The following KLHDC1 variants were observed in gnomAD, a reference collection of about 807,000 sequenced individuals.
KLHDC1 encodes the protein kelch domain containing 1, also known as kelch domain-containing protein 1.
In KLHDC1, 53 loss-of-function variants were observed where a neutral mutation model predicts 68.3. The ratio of observed to expected loss-of-function variants is 0.78; its 90% CI spans 0.62 to 0.98. The LOEUF is 0.98. Ranked by LOEUF, KLHDC1 falls within the 50% of genes least tolerant of loss-of-function variation. The probability of loss-of-function intolerance (pLI) is 0.00; values close to 1 mark genes in which losing one functional copy is unlikely to be tolerated. For synonymous variants in KLHDC1, 148 were observed against 159.0 expected (o/e 0.93, Z 0.52); for missense variants, 470 against 492.3 (o/e 0.95, Z 0.43).
rs779855048 is a variant in KLHDC1 at position 49,723,859 on chromosome 14, G to A, written c.405-15G>A. On this transcript the variant is annotated splice_polypyrimidine_tract_variant and intron_variant, in intron 4 of 12. Coordinates refer to ENST00000359332, the MANE Select transcript of KLHDC1 (RefSeq NM_172193.3). ...CAGAATTCCTAAAGTGTGTCATTTC[G>A]TATTTGTTTTTCAGACTAATATATT... The A allele has an allele frequency of 1.6e-5, 23 of 1,473,900 alleles. No homozygotes were observed. Among genetic ancestry groups the A allele is most frequent in the South Asian group, 6.0e-5 (5 of 82,940 alleles). The allele number at this position is 1,473,900 out of a possible 1,614,324, so 91.3% of individuals were successfully genotyped here.
intron 8 of KLHDC1, among the ~76,000 whole-genome samples, chr14:49,730,528 C>T (rs1343856416): frequency 6.6e-6 from 1 of 151,824 alleles, no homozygotes; most frequent in East Asian, 1.9e-4. Flanking sequence ...CTGACATTTG[C>T]AATATTTTTA....
intron 1 of KLHDC1, among the ~76,000 whole-genome samples, chr14:49,694,424 CGAA>C (rs1168729053): frequency 6.6e-6 from 1 of 151,932 alleles, no homozygotes; most frequent in Non-Finnish European, 1.5e-5. Context: ...AGGCATACCT[CGAA>C]GTATTGCAGA....
intron 1 of KLHDC1, chr14:49,708,647 AACT>A (rs1888120536): frequency 6.6e-6 from 1 of 152,584 alleles, no homozygotes; most frequent in African/African-American, 2.4e-5. Context: ...TTTAATGAAC[AACT>A]AATACTATGC....
intron 1 of KLHDC1, among the ~76,000 whole-genome samples, chr14:49,701,351 G>A (rs1347563058): frequency 6.6e-6 from 1 of 152,016 alleles, no homozygotes; most frequent in Non-Finnish European, 1.5e-5. Flanking sequence ...AAAATTGGCA[G>A]ATCAGACTTC....
At chr14:49,707,953 G>C (rs1161519380) in intron 1 of KLHDC1, among the ~76,000 whole-genome samples, 1 of 151,730 alleles carries the variant, frequency 6.6e-6, no homozygotes, top group Non-Finnish European at 1.5e-5. Context: ...ACTACACCCG[G>C]CCTATTTTTA....
At chr14:49,695,453 A>G (rs902099039) in intron 1 of KLHDC1, among the ~76,000 whole-genome samples, 24 of 152,200 alleles carry the variant, frequency 1.6e-4, no homozygotes, top group Admixed American at 7.9e-4. Flanking sequence ...GTCAATGAGC[A>G]GTGAGTGAGA....
At chr14:49,728,822 T>G (rs1888733025) in intron 6 of KLHDC1, 104 bp from the exon 7 acceptor site, 1 of 802,280 alleles carries the variant, frequency 1.2e-6, no homozygotes, top group Admixed American at 2.1e-5. Flanking sequence ...ATTACATAGG[T>G]AATGATAACT....
At chr14:49,697,560 G>C (rs542520570) in intron 1 of KLHDC1, among the ~76,000 whole-genome samples, 6 of 152,306 alleles carry the variant, frequency 3.9e-5, no homozygotes, top group Non-Finnish European at 7.4e-5. Flanking sequence ...CTCAATGCAG[G>C]GTTGCCACAA....
chr14:49,699,597 C>G (rs1887843869), intron 1 of KLHDC1, among the ~76,000 whole-genome samples: 1 of 152,082 alleles, frequency 6.6e-6, no homozygotes, highest in African/African-American at 2.4e-5. Flanking sequence ...ATATTCCAGT[C>G]ACAATTTTCC....
chr14:49,710,726 A>G (rs1010827765), intron 4 of KLHDC1, among the ~76,000 whole-genome samples: 7 of 152,138 alleles, frequency 4.6e-5, no homozygotes, highest in African/African-American at 1.7e-4. Flanking sequence ...CATTCCTTCA[A>G]CGCTAGTTTT....
intron 4 of KLHDC1, among the ~76,000 whole-genome samples, chr14:49,713,850 A>ATTTT (rs869250721): frequency 1.2e-4 from 6 of 50,226 alleles, no homozygotes; most frequent in African/African-American, 5.2e-4. Context: ...ATATATATAT[A>ATTTT]TTTTTTTTTT....
intron 1 of KLHDC1, among the ~76,000 whole-genome samples, chr14:49,695,311 T>C (rs1300674174): frequency 1.3e-5 from 2 of 152,132 alleles, no homozygotes; most frequent in Non-Finnish European, 2.9e-5. Context: ...AAATGTATTT[T>C]CTTAAATAAT....
intron 9 of KLHDC1, among the ~76,000 whole-genome samples, 185 bp downstream of exon 9, chr14:49,733,001 G>A (rs1420169367): frequency 1.3e-5 from 2 of 152,116 alleles, no homozygotes; most frequent in Non-Finnish European, 2.9e-5. Flanking sequence ...ACGTTCCCCT[G>A]TTTTCTAGGG....
At chr14:49,741,357 G>T (rs999189452) in intron 11 of KLHDC1, among the ~76,000 whole-genome samples, 1 of 151,502 alleles carries the variant, frequency 6.6e-6, no homozygotes, top group African/African-American at 2.4e-5. Context: ...CCAGGCTGGA[G>T]TGCAGTGGCA....
intron 4 of KLHDC1, among the ~76,000 whole-genome samples, chr14:49,714,803 T>C (rs1437291105): frequency 6.7e-6 from 1 of 149,650 alleles, no homozygotes; most frequent in African/African-American, 2.4e-5. Flanking sequence ...GTATATGTTA[T>C]ATAACATATA....
At position 49,745,298 on chromosome 14, in the gene KLHDC1, G is replaced by C. The variant is rs1796045296; in HGVS notation, c.1034+1493G>C. 2.0e-5 allele frequency among the ~76,000 whole-genome samples: 3 copies of C among 151,964 alleles called. No individual in the cohort carries two copies. In the South Asian group the frequency reaches 6.2e-4, roughly 32 times the overall value. ...AGTTCTCAAACTAAACTCTCATGAGGGGCTTCAAAAAAATTAATGCCTGTG... is the reference window on the plus strand; with the variant it reads ...AGTTCTCAAACTAAACTCTCATGAGCGGCTTCAAAAAAATTAATGCCTGTG... On this transcript the variant is annotated intron_variant, in intron 12 of 12. Coordinates refer to ENST00000359332, the MANE Select transcript of KLHDC1 (RefSeq NM_172193.3).
rs978512838 is a variant in KLHDC1, at chr14:49,730,291, C to G, written c.710+743C>G. Among the ~76,000 whole-genome samples the G allele has an allele frequency of 4.4e-4, 7 of 16,016 alleles. No homozygotes were observed. The East Asian group carries it at 1.0e-2, about 23-fold the overall frequency. The allele number at this position is 16,016 out of a possible 152,430, so 10.5% of individuals were successfully genotyped here. ...AGGCTGGAGTGCAGTAGCATGGTCT[C>G]AGCTCACTGCAACCTCGCCTCCCAG... On this transcript the variant is annotated intron_variant, in intron 8 of 12. Transcript: ENST00000359332.
chr14:49,697,288 GGA>G (rs776833800), intron 1 of KLHDC1, among the ~76,000 whole-genome samples: 42 of 152,266 alleles, frequency 2.8e-4, no homozygotes, highest in Non-Finnish European at 5.4e-4. Context: ...CCAAGGAGAG[GGA>G]GAGAGAGGGG....
At position 49,702,050 on chromosome 14, in the gene KLHDC1, C is replaced by T. The variant is rs571122407; in HGVS notation, c.97-7109C>T. On this transcript the variant is annotated intron_variant, in intron 1 of 12. Coordinates refer to ENST00000359332, the MANE Select transcript of KLHDC1 (RefSeq NM_172193.3). The stretch of plus-strand genomic sequence containing the variant: ...GGGCATGGTGGCACATGCCTGTAAT[C>T]CCAGCTACTCGGGAGGCTGAGGCAG... 2.6e-5 allele frequency among the ~76,000 whole-genome samples: 4 copies of T among 152,054 alleles called. No individual in the cohort carries two copies. The East Asian group carries it at 7.7e-4, about 29-fold the overall frequency.
Sources: gnomAD v4.1 joint callset for allele counts (sites outside exome capture counted in the v4.1 genomes callset) on GRCh38, gnomAD v4.1.1 for gene constraint, MANE v1.5 for transcripts, NCBI Gene and HGNC (gene_info 2026-07-23, HGNC 2026-07-21) for gene names.